Variants in SLC24A2 observed in about 807,000 individuals in gnomAD.
The protein encoded by SLC24A2 is sodium/potassium/calcium exchanger 2.
Under a neutral mutation model 62.0 loss-of-function variants are expected in SLC24A2, and 36 were observed. The observed-to-expected ratio is 0.58, with a 90% confidence interval of 0.44 to 0.77. The LOEUF (loss-of-function observed/expected upper bound fraction) is 0.77. Ranked by LOEUF, SLC24A2 falls within the 30% of genes least tolerant of loss-of-function variation. SLC24A2 has a pLI of 0.00. For synonymous variants in SLC24A2, 358 were observed against 294.0 expected (o/e 1.22, Z -2.23); for missense variants, 846 against 817.9 (o/e 1.03, Z -0.42).
the SLC24A2 span, among the ~76,000 whole-genome samples, chr9:19,978,355 T>C: frequency 2.6e-5 from 4 of 152,128 alleles, no homozygotes; most frequent in Admixed American, 2.6e-4. Flanking sequence ...TGAACTATTG[T>C]TCAAAAATAA....
intron 2 of SLC24A2, among the ~76,000 whole-genome samples, chr9:19,629,820 A>G (rs1236089119): frequency 6.6e-6 from 1 of 152,232 alleles, no homozygotes; most frequent in Non-Finnish European, 1.5e-5. Flanking sequence ...GAACAAGCTC[A>G]AAAAATGAAA....
chr9:19,858,771 A>G, the SLC24A2 span, among the ~76,000 whole-genome samples: 7 of 152,344 alleles, frequency 4.6e-5, no homozygotes, highest in South Asian at 1.5e-3. Flanking sequence ...ACTAATTTTT[A>G]GTGAAATGCA....
the SLC24A2 span, among the ~76,000 whole-genome samples, chr9:20,026,150 G>C: frequency 6.6e-6 from 1 of 152,222 alleles, no homozygotes; most frequent in East Asian, 1.9e-4. Flanking sequence ...TTTTAAGACA[G>C]AAGTTAAAAA....
the SLC24A2 span, among the ~76,000 whole-genome samples, chr9:20,223,265 A>G: frequency 6.6e-6 from 1 of 152,196 alleles, no homozygotes; most frequent in South Asian, 2.1e-4. Flanking sequence ...ATAAATGAAC[A>G]TAAATACCAC....
the SLC24A2 span, among the ~76,000 whole-genome samples, chr9:20,104,646 T>A: frequency 2.0e-5 from 3 of 152,210 alleles, no homozygotes; most frequent in East Asian, 1.9e-4. Flanking sequence ...GACAAGCAAA[T>A]GCTGAGAGAT....
At chr9:19,779,190 G>A (rs895226670) in intron 2 of SLC24A2, among the ~76,000 whole-genome samples, 7 of 152,166 alleles carry the variant, frequency 4.6e-5, no homozygotes, top group African/African-American at 1.4e-4. Context: ...ATTCTAGAAG[G>A]CAGACTATAG....
the SLC24A2 span, among the ~76,000 whole-genome samples, chr9:19,878,207 CTGCAGTT>C: frequency 1.3e-5 from 2 of 152,132 alleles, no homozygotes; most frequent in Non-Finnish European, 2.9e-5. Context: ...ATTTAGGCGG[CTGCAGTT>C]TGCAGCAATC....
chr9:20,303,223 T>G, the SLC24A2 span, among the ~76,000 whole-genome samples: 70 of 152,182 alleles, frequency 4.6e-4, no homozygotes, highest in African/African-American at 1.7e-3. Flanking sequence ...ACCATTCCAT[T>G]TACATTAAAA....
the SLC24A2 span, among the ~76,000 whole-genome samples, chr9:20,267,478 C>T: frequency 6.6e-6 from 1 of 152,208 alleles, no homozygotes; most frequent in Non-Finnish European, 1.5e-5. Flanking sequence ...GCTACACTGT[C>T]CTGTCAGGCT....
the SLC24A2 span, among the ~76,000 whole-genome samples, chr9:20,058,716 C>T: frequency 2.6e-5 from 4 of 152,204 alleles, no homozygotes; most frequent in South Asian, 4.1e-4. Flanking sequence ...CAGTGAACTA[C>T]GATTGAGTCA....
chr9:19,762,076 G>A (rs1301836216), intron 2 of SLC24A2, among the ~76,000 whole-genome samples: 2 of 152,250 alleles, frequency 1.3e-5, no homozygotes, highest in African/African-American at 2.4e-5. Context: ...CACAATGGTT[G>A]AACTAGTTTA....
At chr9:20,063,887 A>G in the SLC24A2 span, among the ~76,000 whole-genome samples, 1 of 152,218 alleles carries the variant, frequency 6.6e-6, no homozygotes. Context: ...GTGGAAATGT[A>G]AAATGGTACA....
intron 2 of SLC24A2, among the ~76,000 whole-genome samples, chr9:19,765,797 T>C (rs915880976): frequency 6.6e-6 from 1 of 152,072 alleles, no homozygotes; most frequent in Non-Finnish European, 1.5e-5. Flanking sequence ...TCTCGAGGAG[T>C]ATCTTTGTGG....
chr9:20,277,424 A>G, the SLC24A2 span, among the ~76,000 whole-genome samples: 3 of 151,778 alleles, frequency 2.0e-5, no homozygotes, highest in Middle Eastern at 6.8e-3. Flanking sequence ...AAAGTGGGCA[A>G]AGGATATGAA....
At chr9:19,696,791 T>C (rs1820203361) in intron 2 of SLC24A2, among the ~76,000 whole-genome samples, 1 of 152,198 alleles carries the variant, frequency 6.6e-6, no homozygotes, top group Non-Finnish European at 1.5e-5. Flanking sequence ...TGTTTTAAAA[T>C]ATAAAATTAA....
chr9:19,528,263 C>T lies in SLC24A2; in HGVS notation c.1480-125G>A, dbSNP rs745451567. The T allele has an allele frequency of 5.6e-6, 4 of 720,076 alleles. No individual in the cohort carries two copies. The East Asian group carries it at 8.1e-5, about 15-fold the overall frequency. The allele number at this position is 720,076 out of a possible 1,614,324, so 44.6% of individuals were successfully genotyped here. ...ATTTCCTGCATCTTAGTAGGATTGG[C>T]AATCAAAAGACCCTACTCACTCCTG... On this transcript the variant is annotated intron_variant, in intron 8 of 10. Transcript: ENST00000341998.
the SLC24A2 span, among the ~76,000 whole-genome samples, chr9:20,302,954 T>C: frequency 6.6e-6 from 1 of 152,216 alleles, no homozygotes; most frequent in Non-Finnish European, 1.5e-5. Context: ...TTCCTTTGGA[T>C]AAATTCCTAA....
the SLC24A2 span, among the ~76,000 whole-genome samples, chr9:20,212,901 C>A: frequency 4.6e-5 from 7 of 151,576 alleles, no homozygotes; most frequent in Non-Finnish European, 7.4e-5. Flanking sequence ...AATTAATATC[C>A]TCAGCAATTC....
At chr9:19,620,227 T>C (rs1287322114) in intron 3 of SLC24A2, among the ~76,000 whole-genome samples, 1 of 152,224 alleles carries the variant, frequency 6.6e-6, no homozygotes. Context: ...TCTGCATAGA[T>C]ACACATACTA....
Sources: gnomAD v4.1 joint callset for allele counts (sites outside exome capture counted in the v4.1 genomes callset) on GRCh38, gnomAD v4.1.1 for gene constraint, MANE v1.5 for transcripts, NCBI Gene and HGNC (gene_info 2026-07-23, HGNC 2026-07-21) for gene names.